Variants in ARRDC2 observed in about 807,000 individuals in gnomAD.
ARRDC2 encodes arrestin domain containing 2, also known as arrestin domain-containing protein 2.
In ARRDC2, 39 loss-of-function variants were observed where a neutral mutation model predicts 38.9. The ratio of observed to expected loss-of-function variants is 1.00; its 90% CI spans 0.78 to 1.31. The LOEUF is 1.31. ARRDC2 is among the 50% of genes most tolerant of loss of function. ARRDC2 has a pLI of 0.00. For missense variants in ARRDC2, 553 were observed against 588.4 expected, an observed-to-expected ratio of 0.94 and a Z score of 0.62; for synonymous variants, 300 against 261.9, an observed-to-expected ratio of 1.15 and a Z score of -1.41.
chr19:18,003,852 A>C (rs951085107), upstream of ARRDC2, among the ~76,000 whole-genome samples: 1 of 151,466 alleles, frequency 6.6e-6, no homozygotes, highest in Non-Finnish European at 1.5e-5. Context: ...TGTTAGCCAG[A>C]ATGGTCTCGA....
rs555108200 is a variant in ARRDC2, at chr19:18,010,294, C to T, written c.948C>T (p.Ser316=). The part of the protein sequence containing the change: ...PLHPFGSRSS[S]VGSHASFLLD... ...ACCCTTTTGGCAGCCGTTCCTCCAG[C>T]GTGGGCAGCCACGCCAGCTTCCTGC... The change falls in exon 6 of 8, where the codon AGC becomes AGT. Residue 316 remains serine (S), a synonymous_variant. Coordinates refer to ENST00000222250, the MANE Select transcript of ARRDC2 (RefSeq NM_015683.2). 84 of 1,613,318 alleles carry T rather than the reference C, an allele frequency of 5.2e-5. 1 individual carries two copies. The South Asian group carries it at 7.1e-4, about 14-fold the overall frequency.
chr19:18,008,121 A>AC (rs149842719), upstream of ARRDC2: 10,422 of 369,912 alleles, frequency 0.028, 256 homozygotes, highest in African/African-American at 0.11. Context: ...CGGTGACCCC[A>AC]CCCCCCCCCG....
At position 18,008,230 on chromosome 19, in the gene ARRDC2, C is replaced by A; in HGVS notation, c.-81C>A. 1.4e-6 allele frequency: 2 copies of A among 1,478,452 alleles called. No individual in the cohort carries two copies. The highest frequency in any genetic ancestry group is 1.5e-5 in the African/African-American group (1 of 67,384). 91.6% of individuals were successfully genotyped at this position (1,478,452 alleles called of 1,614,324 possible). On this transcript the variant is annotated 5_prime_UTR_variant, in exon 1 of 8. The change creates a new upstream start codon in the 5' untranslated region. Coordinates refer to ENST00000222250, the MANE Select transcript of ARRDC2 (RefSeq NM_015683.2). The stretch of plus-strand genomic sequence containing the variant: ...TTGACGGCGATTTTGCGTTCTGAGG[C>A]TGCAGCGTCGGCATCTTGAGCTGCC...
upstream of ARRDC2, chr19:18,007,795 C>G (rs537240691): frequency 1.0e-5 from 2 of 196,082 alleles, no homozygotes; most frequent in East Asian, 3.7e-4. Flanking sequence ...GTCCCCCGCC[C>G]CAAATCGGGC....
chr19:18,011,963 T>A (rs1441406570), intron 7 of ARRDC2, among the ~76,000 whole-genome samples: 5 of 137,772 alleles, frequency 3.6e-5, no homozygotes, highest in African/African-American at 1.1e-4. Context: ...TTTTTTTTTT[T>A]TTTTTTTTTT....
chr19:18,001,555 C>T (rs1277724362), exon 1 of ARRDC2: 1 of 1,371,066 alleles, frequency 7.3e-7, no homozygotes, highest in Non-Finnish European at 9.4e-7. Context: ...CCTGCGGCGT[C>T]GGCAGCTGCT....
chr19:18,010,046 C>T lies in ARRDC2; in HGVS notation c.849+7C>T, dbSNP rs1365753611. 4.4e-6 allele frequency: 7 copies of T among 1,603,256 alleles called. No homozygotes were observed. The highest frequency in any genetic ancestry group is 5.9e-6 in the Non-Finnish European group (7 of 1,179,392). On this transcript the variant is annotated splice_region_variant and intron_variant, in intron 5 of 7. Coordinates refer to ENST00000222250, the MANE Select transcript of ARRDC2 (RefSeq NM_015683.2). ...CGTGGACTACGCACTCAAGGTAGGG[C>T]ATCCTGCTGGCCCTGGGGGACAGTG...
chr19:18,002,395 C>G (rs2033200133), intron 1 of ARRDC2, among the ~76,000 whole-genome samples: 1 of 152,228 alleles, frequency 6.6e-6, no homozygotes, highest in Admixed American at 6.5e-5. Context: ...CGCCCCTAGG[C>G]CACGCAGCTG....
At chr19:18,005,831 G>A (rs575129062), upstream of ARRDC2, among the ~76,000 whole-genome samples, 377 of 150,512 alleles carry the variant, frequency 2.5e-3, 3 homozygotes, top group East Asian at 0.029. Context: ...CTTCCCAGAC[G>A]GGGTGGCAGC....
rs879820245 is a variant in ARRDC2 at position 18,012,776 on chromosome 19, G to A, written c.1171-137G>A. On this transcript the variant is annotated intron_variant, in intron 7 of 7. Coordinates refer to ENST00000222250, the MANE Select transcript of ARRDC2 (RefSeq NM_015683.2). ...GCTCCAAAACCCTCCTTGCACCCCAGTCTGCCCTAGACACCACCTCCTGAT... is the reference window on the plus strand; with the variant it reads ...GCTCCAAAACCCTCCTTGCACCCCAATCTGCCCTAGACACCACCTCCTGAT... 3 of 835,132 alleles carry A rather than the reference G, an allele frequency of 3.6e-6. No homozygotes were observed. In the East Asian group the frequency reaches 8.2e-5, roughly 23 times the overall value. 51.7% of individuals were successfully genotyped at this position (835,132 alleles called of 1,614,324 possible).
intron 3 of ARRDC2, 42 bp from the exon 4 acceptor site, chr19:18,009,550 C>T: frequency 6.5e-7 from 1 of 1,539,700 alleles, no homozygotes; most frequent in Non-Finnish European, 8.8e-7. Context: ...CTGTGGTTTG[C>T]ACAAAGTGAC....
At chr19:18,008,115 G>GTGGGGCCCCC, upstream of ARRDC2, 2 of 810,032 alleles carry the variant, frequency 2.5e-6, no homozygotes, top group African/African-American at 2.2e-5. Context: ...AAGAGACGGT[G>GTGGGGCCCCC]ACCCCACCCC....
chr19:18,008,975 C>T lies in ARRDC2; in HGVS notation c.346C>T (p.Leu116=). 6.2e-7 allele frequency: 1 copy of T among 1,613,614 alleles called. No individual in the cohort carries two copies. The highest frequency in any genetic ancestry group is 8.5e-7 in the Non-Finnish European group (1 of 1,179,942). The change falls in exon 3 of 8, where the codon CTG becomes TTG. Residue 116 remains leucine (L), a synonymous_variant. Coordinates refer to ENST00000222250, the MANE Select transcript of ARRDC2 (RefSeq NM_015683.2). ...AGTCCCGTCCCTCCACCCTAGGACC[C>T]TGGTGACATCCTTCGAGGGCAAACA... ...FLFSFQLPPT[L]VTSFEGKHGS...
rs758003131 is a variant in ARRDC2 at position 18,009,818 on chromosome 19, G to A, written c.628G>A (p.Gly210Ser). 1.6e-5 allele frequency: 26 copies of A among 1,612,482 alleles called. No individual in the cohort carries two copies. Among genetic ancestry groups the A allele is most frequent in the Admixed American group, 3.3e-5 (2 of 59,964 alleles). The change falls in exon 5 of 8, where the codon GGC (glycine) becomes AGC (serine). Residue 210 changes from glycine to serine, a missense_variant. Physicochemically the swap from Gly to Ser is moderately conservative, Grantham distance 56 (BLOSUM62 0). Coordinates refer to ENST00000222250, the MANE Select transcript of ARRDC2 (RefSeq NM_015683.2). ...VIPVFAEIDN[G>S]STRPVLPRAA... Reference sequence around the variant, plus strand: ...CCCTGTCTTTGCCGAGATCGACAACGGCTCCACACGTCCTGTGCTGCCTCG... The same window carrying A: ...CCCTGTCTTTGCCGAGATCGACAACAGCTCCACACGTCCTGTGCTGCCTCG...
At chr19:18,011,220 ACTC>A (rs1459496762) in intron 7 of ARRDC2, among the ~76,000 whole-genome samples, 1 of 151,438 alleles carries the variant, frequency 6.6e-6, no homozygotes, top group Non-Finnish European at 1.5e-5. Flanking sequence ...CTGGTCTTGA[ACTC>A]CTGACCTCAG....
chr19:18,010,062 G>C (rs751000124), intron 5 of ARRDC2, 23 bp downstream of exon 5: 10 of 1,604,196 alleles, frequency 6.2e-6, no homozygotes. Flanking sequence ...GCTGGCCCTG[G>C]GGGACAGTGC....
upstream of ARRDC2, chr19:18,007,903 C>G (rs576882188): frequency 2.7e-5 from 8 of 297,224 alleles, no homozygotes; most frequent in East Asian, 8.0e-4. Context: ...TGGGCCCTGC[C>G]TCTGCACCTC....
At chr19:18,011,934 G>GTGTGTGTA (rs944958651) in intron 7 of ARRDC2, among the ~76,000 whole-genome samples, 3 of 68,388 alleles carry the variant, frequency 4.4e-5, no homozygotes, top group African/African-American at 1.5e-4. Context: ...GTGTATATGT[G>GTGTGTGTA]TATATATATA....
upstream of ARRDC2, among the ~76,000 whole-genome samples, chr19:18,005,334 A>T (rs1259807772): frequency 6.6e-6 from 1 of 152,078 alleles, no homozygotes; most frequent in East Asian, 1.9e-4. Flanking sequence ...CAGGATCACA[A>T]AGCAGAAGAA....
Sources: allele counts gnomAD v4.1 joint callset (sites outside exome capture counted in the v4.1 genomes callset), GRCh38; gene constraint gnomAD v4.1.1; transcripts MANE v1.5; gene names NCBI Gene and HGNC (gene_info 2026-07-23, HGNC 2026-07-21).